Variants in CLDN7 observed in about 807,000 individuals in gnomAD.
The protein encoded by CLDN7 is claudin-7.
In CLDN7, 15 loss-of-function variants were observed where a neutral mutation model predicts 20.3. The ratio of observed to expected loss-of-function variants is 0.74; its 90% CI spans 0.49 to 1.14. The LOEUF (loss-of-function observed/expected upper bound fraction) is 1.14. CLDN7 is among the 50% of genes most tolerant of loss of function. CLDN7 has a pLI of 0.00. For missense variants in CLDN7, 261 were observed against 274.2 expected (o/e 0.95, Z 0.34); for synonymous variants, 117 against 106.1 (o/e 1.10, Z -0.63).
At position 7,260,669 on chromosome 17, in the gene CLDN7, T is replaced by C. The variant is rs774931052; in HGVS notation, c.446A>G (p.Tyr149Cys). 3 of 1,614,180 alleles carry C rather than the reference T, an allele frequency of 1.9e-6. No homozygotes were observed. The highest frequency in any genetic ancestry group is 2.2e-5 in the South Asian group (2 of 91,074). Residue 149 changes from tyrosine (Y) to cysteine (C), a missense_variant, in exon 3 of 4, where the codon TAT (tyrosine) becomes TGT (cysteine). This residue lies in a region of CLDN7 where 215 missense variants were observed against 199.6 expected (regional missense o/e 1.08). Transcript: ENST00000360325. ...AATGTTGGTAGGGATCAAAGGGTTA[T>C]AAAAGTCTGTGACAATCTGATGGCC... The part of the protein sequence containing the change: ...WYGHQIVTDF[Y>C]NPLIPTNIKY...
At position 7,262,242 on chromosome 17, in the gene CLDN7, G is replaced by A. The variant is rs1166830837; in HGVS notation, c.-199C>T. 7 of 1,426,206 alleles carry A rather than the reference G, an allele frequency of 4.9e-6. No homozygotes were observed. The Admixed American group carries it at 8.7e-5, about 18-fold the overall frequency. The allele number at this position is 1,426,206 out of a possible 1,614,324, so 88.3% of individuals were successfully genotyped here. Reference sequence around the variant, plus strand: ...AAATCGACCCCTCCAGTGAAGCGATGGCCTCGCGGCACAGGGAGTAGGATA... The same window carrying A: ...AAATCGACCCCTCCAGTGAAGCGATAGCCTCGCGGCACAGGGAGTAGGATA... On this transcript the variant is annotated 5_prime_UTR_variant, in exon 1 of 4. Transcript: ENST00000360325. This position sits in a 1 kb window ranked among gnomAD's most constrained non-coding sequence, Gnocchi z 6.6.
chr17:7,262,460 T>C lies in CLDN7; in HGVS notation c.-417A>G. On this transcript the variant is annotated 5_prime_UTR_variant, in exon 1 of 4. Coordinates refer to ENST00000360325, the MANE Select transcript of CLDN7 (RefSeq NM_001307.6). The surrounding 1 kb of genome is among the most constrained non-coding windows in gnomAD (Gnocchi z 6.6). ...GTGCGCAGCAGAGGTGGCTCGGAGGTGAGCCAGCAGGTGCGGGCGGACAGG... is the reference window on the plus strand; with the variant it reads ...GTGCGCAGCAGAGGTGGCTCGGAGGCGAGCCAGCAGGTGCGGGCGGACAGG... The C allele has an allele frequency of 2.0e-6, 2 of 995,606 alleles. No homozygotes were observed. The highest frequency in any genetic ancestry group is 2.4e-6 in the Non-Finnish European group (2 of 828,088). 61.7% of individuals were successfully genotyped at this position (995,606 alleles called of 1,614,324 possible). A position where few individuals can be genotyped will look rare whatever the true frequency, so the allele number is the denominator to read the frequency against.
chr17:7,261,075 C>T, intron 1 of CLDN7, 90 bp from the exon 2 acceptor site: 1 of 1,472,730 alleles, frequency 6.8e-7, no homozygotes, highest in Admixed American at 2.3e-5. Flanking sequence ...AACCGCTGGA[C>T]CTCTTCTGTC....
At position 7,260,550 on chromosome 17, in the gene CLDN7, G is replaced by T. The variant is rs749098075; in HGVS notation, c.474-14C>A. On this transcript the variant is annotated splice_polypyrimidine_tract_variant and intron_variant, in intron 3 of 3. Coordinates refer to ENST00000360325, the MANE Select transcript of CLDN7 (RefSeq NM_001307.6). Reference sequence around the variant, plus strand: ...CCAAACTCATACCTGTGAAGAGAAGGGGGTGGTTAGAAACCCTGGCGTGCC... The same window carrying T: ...CCAAACTCATACCTGTGAAGAGAAGTGGGTGGTTAGAAACCCTGGCGTGCC... The T allele has an allele frequency of 3.1e-6, 5 of 1,611,782 alleles. No homozygotes were observed. The East Asian group carries it at 6.7e-5, about 22-fold the overall frequency.
upstream of CLDN7, chr17:7,262,753 G>A (rs1433340210): frequency 2.6e-5 from 4 of 152,126 alleles, no homozygotes; most frequent in Non-Finnish European, 1.5e-5. The surrounding 1 kb of genome is among the most constrained non-coding windows in gnomAD (Gnocchi z 6.6). Flanking sequence ...CCCAAGCTCC[G>A]AGTCAGCCCC....
rs1300377957 is a variant in CLDN7, at chr17:7,260,710, T to A, written c.405A>T (p.Val135=). ...TCTGATGGCCATACCAGGAGCAAGC[T>A]ACCAAGGCGGCAAGACCTGGAGACA... The part of the protein sequence containing the change: ...IFIVAGLAAL[V]ACSWYGHQIV... The change falls in exon 3 of 4, where the codon GTA becomes GTT. Residue 135 remains valine (V), a synonymous_variant. Coordinates refer to ENST00000360325, the MANE Select transcript of CLDN7 (RefSeq NM_001307.6). 6.2e-7 allele frequency: 1 copy of A among 1,614,142 alleles called. No individual in the cohort carries two copies. Among genetic ancestry groups the A allele is most frequent in the Admixed American group, 1.7e-5 (1 of 60,026 alleles).
In CLDN7 at chr17:7,260,356, G is replaced by C; in HGVS notation, c.*18C>G. 1 of 1,589,648 alleles carries C rather than the reference G, an allele frequency of 6.3e-7. No individual in the cohort carries two copies. The highest frequency in any genetic ancestry group is 2.2e-5 in the East Asian group (1 of 44,684). The stretch of plus-strand genomic sequence containing the variant: ...GACACTCCCATAGCCTGTCAGGCTG[G>C]GGCAAGGAGATCCCAGGTCACACAT... On this transcript the variant is annotated 3_prime_UTR_variant, in exon 4 of 4. Coordinates refer to ENST00000360325, the MANE Select transcript of CLDN7 (RefSeq NM_001307.6).
Position 7,260,740 on chromosome 17 carries a change from G to C in CLDN7, c.389-14C>G, listed in dbSNP as rs1201748874. ...AGGCGGCAAGACCTGGAGACAGAAT[G>C]AGGGTTTCAGTATAGTGAGGCCCCA... On this transcript the variant is annotated splice_polypyrimidine_tract_variant and intron_variant, in intron 2 of 3. Transcript: ENST00000360325. 1 of 1,614,108 alleles carries C rather than the reference G, an allele frequency of 6.2e-7. No individual in the cohort carries two copies. The highest frequency in any genetic ancestry group is 1.3e-5 in the African/African-American group (1 of 74,950).
chr17:7,261,721 C>T (rs1303935286), intron 1 of CLDN7, 100 bp downstream of exon 1: 52 of 1,271,280 alleles, frequency 4.1e-5, no homozygotes, highest in Non-Finnish European at 5.4e-5. Context: ...AGCTCCCCGG[C>T]AACCCAGGGC....
chr17:7,262,363 A>G lies in CLDN7; in HGVS notation c.-320T>C, dbSNP rs916921495. 8.1e-7 allele frequency: 1 copy of G among 1,233,176 alleles called. No homozygotes were observed. The highest frequency in any genetic ancestry group is 3.9e-5 in the Admixed American group (1 of 25,702). 76.4% of individuals were successfully genotyped at this position (1,233,176 alleles called of 1,614,324 possible). A position where few individuals can be genotyped will look rare whatever the true frequency, so the allele number is the denominator to read the frequency against. On this transcript the variant is annotated 5_prime_UTR_variant, in exon 1 of 4. Coordinates refer to ENST00000360325, the MANE Select transcript of CLDN7 (RefSeq NM_001307.6). This position sits in a 1 kb window ranked among gnomAD's most constrained non-coding sequence, Gnocchi z 6.6. ...GCGACCCTAGGCAAACAAAAGGTGG[A>G]GGGGCCGTCTGGGCGCGTTTCTGAG...
Position 7,261,463 on chromosome 17 carries a change from T to TGCCCCGC in CLDN7, c.223+351_223+357dup, listed in dbSNP as rs958316203. ...GCCCTTCGGCCCTCGGCGCGCCCCGTGCCCCGCGCCCCGGGGCCGTTTCTG... is the reference window on the plus strand; with the variant it reads ...GCCCTTCGGCCCTCGGCGCGCCCCGTGCCCCGCGCCCCGCGCCCCGGGGCCGTTTCTG... On this transcript the variant is annotated intron_variant, in intron 1 of 3. Transcript: ENST00000360325. Among the ~76,000 whole-genome samples, 28 of 151,990 alleles carry TGCCCCGC rather than the reference T, an allele frequency of 1.8e-4. 1 individual carries two copies. The South Asian group carries it at 4.6e-3, about 25-fold the overall frequency.
At chr17:7,260,589 C>G (rs2072192585) in intron 3 of CLDN7, 53 bp from the exon 4 acceptor site, 1 of 1,613,432 alleles carries the variant, frequency 6.2e-7, no homozygotes, top group Non-Finnish European at 8.5e-7. Flanking sequence ...GCCCTCCTCC[C>G]TATTCCAGGA....
chr17:7,261,009 C>T, intron 1 of CLDN7, 24 bp from the exon 2 acceptor site: 4 of 1,593,536 alleles, frequency 2.5e-6, no homozygotes, highest in Non-Finnish European at 2.6e-6. Flanking sequence ...GAAAGGGCGC[C>T]GTCATTGCTG....
At chr17:7,261,191 C>G in intron 1 of CLDN7, 1 of 647,442 alleles carries the variant, frequency 1.5e-6, no homozygotes, top group South Asian at 2.0e-5. Context: ...TGCTCCCGCC[C>G]CGCCCTCTCC....
At chr17:7,261,704 G>T in intron 1 of CLDN7, 117 bp downstream of exon 1, 2 of 533,868 alleles carry the variant, frequency 3.7e-6, no homozygotes, top group Non-Finnish European at 5.6e-6. Flanking sequence ...CCACTTCCTC[G>T]CCCTGCAGCT....
At chr17:7,260,610 G>T in intron 3 of CLDN7, 32 bp downstream of exon 3, 1 of 1,613,882 alleles carries the variant, frequency 6.2e-7, no homozygotes, top group Non-Finnish European at 8.5e-7. Context: ...CCCCAGACCT[G>T]TCCCCTTAGG....
At chr17:7,262,606 C>T (rs180794153), upstream of CLDN7, 66 of 159,182 alleles carry the variant, frequency 4.1e-4, no homozygotes, top group Non-Finnish European at 7.0e-4. The surrounding 1 kb of genome is among the most constrained non-coding windows in gnomAD (Gnocchi z 6.6). Context: ...CGAAGGGACA[C>T]TCACCTGAAC....
chr17:7,262,337 G>C lies in CLDN7; in HGVS notation c.-294C>G, dbSNP rs2072239696. The C allele has an allele frequency of 7.0e-6, 9 of 1,281,996 alleles. No individual in the cohort carries two copies. Among genetic ancestry groups the C allele is most frequent in the Non-Finnish European group, 8.9e-6 (9 of 1,006,806 alleles). The allele number at this position is 1,281,996 out of a possible 1,614,324, so 79.4% of individuals were successfully genotyped here. The stretch of plus-strand genomic sequence containing the variant: ...CAGGCGGTTCCCTCCGGGCGCTCTC[G>C]GCGACCCTAGGCAAACAAAAGGTGG... On this transcript the variant is annotated 5_prime_UTR_variant, in exon 1 of 4. Coordinates refer to ENST00000360325, the MANE Select transcript of CLDN7 (RefSeq NM_001307.6). The surrounding 1 kb of genome is among the most constrained non-coding windows in gnomAD (Gnocchi z 6.6).
chr17:7,261,455 G>A (rs902660480), intron 1 of CLDN7, among the ~76,000 whole-genome samples: 5 of 152,066 alleles, frequency 3.3e-5, no homozygotes, highest in African/African-American at 1.2e-4. Flanking sequence ...GGCCCTCGGC[G>A]CGCCCCGTGC....
Sources: gnomAD v4.1 joint callset for allele counts (sites outside exome capture counted in the v4.1 genomes callset) on GRCh38, gnomAD v4.1.1 for gene constraint, gnomAD v4.1.1 regional missense constraint, Gnocchi (gnomAD v3.1) non-coding constraint, MANE v1.5 for transcripts, NCBI Gene and HGNC (gene_info 2026-07-23, HGNC 2026-07-21) for gene names.